Variants in CLASP2 observed in about 807,000 individuals in gnomAD.
The protein encoded by CLASP2 is cytoplasmic linker associated protein 2, also known as CLIP-associating protein 2.
In CLASP2, 47 loss-of-function variants were observed where a neutral mutation model predicts 194.4. The ratio of observed to expected loss-of-function variants is 0.24; its 90% CI spans 0.19 to 0.31. CLASP2 has a LOEUF of 0.31. CLASP2 is among the 10% of genes least tolerant of loss of function. CLASP2 has a pLI of 1.00. For synonymous variants in CLASP2, 619 were observed against 633.5 expected, an observed-to-expected ratio of 0.98 and a Z score of 0.34; for missense variants, 1,445 against 1,823.6, an observed-to-expected ratio of 0.79 and a Z score of 3.78.
In CLASP2 at chr3:33,530,703, C is replaced by T. The variant is rs953531843; in HGVS notation, c.3787+4530G>A. Among the ~76,000 whole-genome samples, 50 of 152,100 alleles carry T rather than the reference C, an allele frequency of 3.3e-4. 2 individuals carry two copies. Among genetic ancestry groups the T allele is most frequent in the Admixed American group, 1.3e-4 (2 of 15,276 alleles). ...TAGCTCCATTTTAATCTTATGGGAC[C>T]ACTGTCATAAATGGAGTCTGACACT... is the stretch of plus-strand genomic sequence containing the variant. On this transcript the variant is annotated intron_variant, in intron 34 of 38. Transcript: ENST00000682230.
intron 15 of CLASP2, 101 bp downstream of exon 15, chr3:33,607,283 G>C: frequency 1.4e-6 from 1 of 733,486 alleles, no homozygotes; most frequent in Non-Finnish European, 2.1e-6. Flanking sequence ...TGGAGGGCTA[G>C]TCAAGTAAAA....
At chr3:33,584,314 G>A (rs548377935) in intron 22 of CLASP2, among the ~76,000 whole-genome samples, 1 of 140,514 alleles carries the variant, frequency 7.1e-6, no homozygotes, top group South Asian at 2.2e-4. Flanking sequence ...CAGAGTCTCC[G>A]TTGCCCAGGC....
chr3:33,701,516 A>G (rs1456850098), intron 1 of CLASP2, among the ~76,000 whole-genome samples: 1 of 152,234 alleles, frequency 6.6e-6, no homozygotes, highest in Non-Finnish European at 1.5e-5. Flanking sequence ...GGATTGCTTG[A>G]GCCCAAAAGT....
intron 7 of CLASP2, among the ~76,000 whole-genome samples, chr3:33,653,070 T>C (rs1223102419): frequency 1.3e-5 from 2 of 152,074 alleles, no homozygotes; most frequent in African/African-American, 4.8e-5. Context: ...ATAATTTGGA[T>C]CAACAGCTGC....
chr3:33,595,044 C>G, intron 19 of CLASP2, 76 bp from the exon 20 acceptor site: 1 of 802,928 alleles, frequency 1.2e-6, no homozygotes, highest in Non-Finnish European at 1.8e-6. Flanking sequence ...ACAGTCCCCA[C>G]CCAACACTAC....
chr3:33,668,566 A>C (rs1018656470), intron 6 of CLASP2, among the ~76,000 whole-genome samples: 1 of 152,252 alleles, frequency 6.6e-6, no homozygotes, highest in African/African-American at 2.4e-5. Context: ...GTGTAAACCG[A>C]AATTAATCTA....
At chr3:33,614,957 G>A (rs1005578458) in intron 12 of CLASP2, among the ~76,000 whole-genome samples, 3 of 152,082 alleles carry the variant, frequency 2.0e-5, no homozygotes, top group African/African-American at 7.2e-5. Flanking sequence ...TGCCACTGGA[G>A]TGACAGAGCG....
intron 7 of CLASP2, among the ~76,000 whole-genome samples, chr3:33,660,428 T>C (rs145697008): frequency 5.9e-5 from 9 of 152,348 alleles, no homozygotes; most frequent in African/African-American, 2.2e-4. Flanking sequence ...AAATACTCTA[T>C]AACTCACTTA....
intron 20 of CLASP2, among the ~76,000 whole-genome samples, chr3:33,593,162 C>T (rs1291862198): frequency 6.6e-6 from 1 of 152,184 alleles, no homozygotes; most frequent in East Asian, 1.9e-4. Context: ...CTGCCTCATT[C>T]CCCTCCACAA....
chr3:33,513,468 GT>G (rs2050480687), intron 36 of CLASP2, among the ~76,000 whole-genome samples: 1 of 151,670 alleles, frequency 6.6e-6, no homozygotes, highest in African/African-American at 2.4e-5. Context: ...GGAGGCAAGG[GT>G]TGCAGTGAGC....
At chr3:33,551,939 GTTT>G (rs557274011) in intron 29 of CLASP2, among the ~76,000 whole-genome samples, 2 of 131,314 alleles carry the variant, frequency 1.5e-5, no homozygotes, top group African/African-American at 2.8e-5. Context: ...GGGCAATATA[GTTT>G]TTTTTTTTTT....
chr3:33,597,671 G>GC (rs1408357238), intron 18 of CLASP2, among the ~76,000 whole-genome samples: 2 of 152,014 alleles, frequency 1.3e-5, no homozygotes, highest in Non-Finnish European at 2.9e-5. Context: ...TCCCCTACTG[G>GC]CCCCCCAGCG....
intron 21 of CLASP2, among the ~76,000 whole-genome samples, chr3:33,586,230 G>T (rs1301276104): frequency 6.6e-6 from 1 of 151,950 alleles, no homozygotes; most frequent in Non-Finnish European, 1.5e-5. Context: ...CGCCTCCCGG[G>T]TTCAAGTGAT....
chr3:33,685,879 G>A (rs868747524), intron 5 of CLASP2, among the ~76,000 whole-genome samples: 5 of 152,108 alleles, frequency 3.3e-5, no homozygotes, highest in African/African-American at 9.7e-5. Flanking sequence ...TGGGTACAGG[G>A]TTTCAGTCTG....
At chr3:33,581,015 C>CAAAAAAAAAAAAAAAAAAAAAAA (rs34304858) in intron 23 of CLASP2, among the ~76,000 whole-genome samples, 9 of 57,688 alleles carry the variant, frequency 1.6e-4, no homozygotes, top group East Asian at 5.3e-4. Context: ...GACTCCGTCT[C>CAAAAAAAAAAAAAAAAAAAAAAA]AAAAAAAAAA....
rs150978672 is a variant in CLASP2 at position 33,603,129 on chromosome 3, C to A, written c.1751-4G>T. On this transcript the variant is annotated splice_region_variant and splice_polypyrimidine_tract_variant and intron_variant, in intron 17 of 38. Transcript: ENST00000682230. ...GCTTTGCTGCTGCCTGCTGATACTA[C>A]GAAATACAAAGCAAAGATAACTTAT... 153 of 1,558,260 alleles carry A rather than the reference C, an allele frequency of 9.8e-5. 1 individual carries two copies. The East Asian group carries it at 3.3e-3, about 34-fold the overall frequency.
chr3:33,510,522 A>G (rs767253143), intron 37 of CLASP2, 36 bp downstream of exon 37: 27 of 1,587,388 alleles, frequency 1.7e-5, no homozygotes, highest in Non-Finnish European at 2.2e-5. Flanking sequence ...TCCCAAATGT[A>G]TCATGGCTTA....
At chr3:33,597,672 C>T (rs1180988731) in intron 18 of CLASP2, among the ~76,000 whole-genome samples, 1 of 151,988 alleles carries the variant, frequency 6.6e-6, no homozygotes. Context: ...CCCCTACTGG[C>T]CCCCCAGCGT....
intron 12 of CLASP2, among the ~76,000 whole-genome samples, chr3:33,617,249 A>C (rs1253929173): frequency 6.6e-6 from 1 of 152,098 alleles, no homozygotes; most frequent in Non-Finnish European, 1.5e-5. Context: ...TTTTTTTAAC[A>C]GGAAAGGACA....
Sources: gnomAD v4.1 joint callset for allele counts (sites outside exome capture counted in the v4.1 genomes callset) on GRCh38, gnomAD v4.1.1 for gene constraint, MANE v1.5 for transcripts, NCBI Gene and HGNC (gene_info 2026-07-23, HGNC 2026-07-21) for gene names.